ZC3H7A: variants seen among roughly 807,000 people sequenced by gnomAD.
ZC3H7A encodes zinc finger CCCH domain-containing protein 7A.
A neutral mutation model predicts 125.5 loss-of-function variants in ZC3H7A; 44 were observed. That is an observed-to-expected ratio of 0.35 (90% CI 0.28 to 0.45). The LOEUF is 0.45. ZC3H7A is among the 20% of genes least tolerant of loss of function. The probability of loss-of-function intolerance (pLI) is 1.00; values close to 1 mark genes in which losing one functional copy is unlikely to be tolerated. For missense variants in ZC3H7A, 977 were observed against 1,170.7 expected (o/e 0.83, Z 2.41); for synonymous variants, 399 against 391.2 (o/e 1.02, Z -0.23).
chr16:11,790,687 A>G (rs1219209102), intron 1 of ZC3H7A, among the ~76,000 whole-genome samples: 1 of 151,954 alleles, frequency 6.6e-6, no homozygotes, highest in Non-Finnish European at 1.5e-5. Context: ...TTACAGGCAC[A>G]CGCCAAAACG....
At chr16:11,766,467 G>A (rs1202130493) in intron 13 of ZC3H7A, among the ~76,000 whole-genome samples, 1 of 152,212 alleles carries the variant, frequency 6.6e-6, no homozygotes, top group East Asian at 1.9e-4. Flanking sequence ...CGGTAGCTGA[G>A]TCATGAGAAA....
At chr16:11,776,053 C>T (rs992326930) in intron 7 of ZC3H7A, among the ~76,000 whole-genome samples, 1 of 151,948 alleles carries the variant, frequency 6.6e-6, no homozygotes, top group Admixed American at 6.6e-5. Flanking sequence ...CCCAGCTACT[C>T]GGGAGGCTGA....
rs533670608 is a variant in ZC3H7A at position 11,769,668 on chromosome 16, G to A, written c.1109-573C>T. ...AGAGGTTGCAGTGAGCCAAGATTTC[G>A]CCACTGCTTTCCAGCCTGGGCAACA... On this transcript the variant is annotated intron_variant, in intron 10 of 22. Transcript: ENST00000355758. 6.2e-5 allele frequency among the ~76,000 whole-genome samples: 7 copies of A among 112,998 alleles called. No individual in the cohort carries two copies. In the South Asian group the frequency reaches 1.3e-3, roughly 20 times the overall value. 74.1% of individuals were successfully genotyped at this position (112,998 alleles called of 152,430 possible).
Position 11,761,500 on chromosome 16 carries a change from T to C in ZC3H7A, c.2225A>G (p.Asp742Gly), listed in dbSNP as rs756167098. The C allele has an allele frequency of 6.2e-7, 1 of 1,614,050 alleles. No homozygotes were observed. Among genetic ancestry groups the C allele is most frequent in the Non-Finnish European group, 8.5e-7 (1 of 1,179,970 alleles). ...SAKARHSWTK[D>G]RRAMRVMSIE... Reference sequence around the variant, plus strand: ...AGACATCACTCTCATCGCACGCCGGTCTTTGGTCCACCTAAGAAAAATGGA... The same window carrying C: ...AGACATCACTCTCATCGCACGCCGGCCTTTGGTCCACCTAAGAAAAATGGA... Residue 742 changes from aspartate to glycine, a missense_variant, in exon 19 of 23, where the codon GAC becomes GGC. By Grantham distance (94) the Asp-to-Gly change is moderately conservative (BLOSUM62 -1). This residue lies in a region of ZC3H7A where 436 missense variants were observed against 603.2 expected (regional missense o/e 0.72). Coordinates refer to ENST00000355758, the MANE Select transcript of ZC3H7A (RefSeq NM_014153.4).
Position 11,752,736 on chromosome 16 carries a change from G to A in ZC3H7A, c.2659C>T (p.His887Tyr). The A allele has an allele frequency of 6.2e-7, 1 of 1,614,168 alleles. No individual in the cohort carries two copies. The highest frequency in any genetic ancestry group is 1.1e-5 in the South Asian group (1 of 91,088). Residue 887 changes from histidine to tyrosine, a missense_variant, in exon 22 of 23, where the codon CAC (histidine) becomes TAC (tyrosine). By Grantham distance (83) the His-to-Tyr change is moderately conservative. Coordinates refer to ENST00000355758, the MANE Select transcript of ZC3H7A (RefSeq NM_014153.4). ...SSEKHKEKVF[H>Y]TEDDQYCWQH... The stretch of plus-strand genomic sequence containing the variant: ...CAGCAGTACTGGTCGTCCTCGGTGT[G>A]GAAAACCTTCTCTTTGTGCTTCTCG...
intron 1 of ZC3H7A, among the ~76,000 whole-genome samples, chr16:11,786,511 T>C (rs2053259270): frequency 6.6e-6 from 1 of 152,222 alleles, no homozygotes; most frequent in Non-Finnish European, 1.5e-5. Flanking sequence ...CCCCAGAAAG[T>C]GTTAGAGAAC....
At chr16:11,795,663 C>T (rs2053425451) in intron 1 of ZC3H7A, among the ~76,000 whole-genome samples, 1 of 152,066 alleles carries the variant, frequency 6.6e-6, no homozygotes, top group South Asian at 2.1e-4. Context: ...CTCGGAATTC[C>T]TGACCTCAGG....
intron 1 of ZC3H7A, among the ~76,000 whole-genome samples, chr16:11,784,310 T>C (rs1596402115): frequency 1.3e-5 from 2 of 152,184 alleles, no homozygotes; most frequent in Non-Finnish European, 2.9e-5. Flanking sequence ...ATGTCCTTAA[T>C]AGAAATGCTT....
chr16:11,781,529 G>A lies in ZC3H7A; in HGVS notation c.69-65C>T, dbSNP rs555412322. Reference sequence around the variant, plus strand: ...CTTATCGGGACCTGTTCAGCCAGAAGTCATCTTAAATCTGTGGTTCCATTA... The same window carrying A: ...CTTATCGGGACCTGTTCAGCCAGAAATCATCTTAAATCTGTGGTTCCATTA... On this transcript the variant is annotated intron_variant, in intron 2 of 22. Transcript: ENST00000355758. The A allele has an allele frequency of 3.9e-6, 6 of 1,555,636 alleles. No individual in the cohort carries two copies. In the Admixed American group the frequency reaches 1.0e-4, roughly 26 times the overall value.
At position 11,751,224 on chromosome 16, in the gene ZC3H7A, G is replaced by A; in HGVS notation, c.*93C>T. 2 of 1,338,004 alleles carry A rather than the reference G, an allele frequency of 1.5e-6. No homozygotes were observed. Among genetic ancestry groups the A allele is most frequent in the Non-Finnish European group, 2.0e-6 (2 of 993,636 alleles). The allele number at this position is 1,338,004 out of a possible 1,614,324, so 82.9% of individuals were successfully genotyped here. Reference sequence around the variant, plus strand: ...GGAACGATATACGCCAATACAAGCAGGAAATCTGCAGCTCCTCTGCTATGT... The same window carrying A: ...GGAACGATATACGCCAATACAAGCAAGAAATCTGCAGCTCCTCTGCTATGT... On this transcript the variant is annotated 3_prime_UTR_variant, in exon 23 of 23. Coordinates refer to ENST00000355758, the MANE Select transcript of ZC3H7A (RefSeq NM_014153.4).
chr16:11,760,996 A>G (rs531783056), intron 19 of ZC3H7A, among the ~76,000 whole-genome samples: 36 of 152,322 alleles, frequency 2.4e-4, no homozygotes, highest in African/African-American at 8.4e-4. Flanking sequence ...CCCTTGCTGC[A>G]GTGAAAGAGA....
chr16:11,765,037 G>C lies in ZC3H7A; in HGVS notation c.1820+16C>G. ...ATCTATTTTGTCATTACAGAAATTA[G>C]AAACTATCAACATACTTATTGTCTT... is the stretch of plus-strand genomic sequence containing the variant. On this transcript the variant is annotated intron_variant, in intron 15 of 22. Coordinates refer to ENST00000355758, the MANE Select transcript of ZC3H7A (RefSeq NM_014153.4). This position sits in a 1 kb window ranked among gnomAD's most constrained non-coding sequence, Gnocchi z 4.8. 2.7e-6 allele frequency: 4 copies of C among 1,496,382 alleles called. No individual in the cohort carries two copies. The highest frequency in any genetic ancestry group is 3.6e-6 in the Non-Finnish European group (4 of 1,102,156). 92.7% of individuals were successfully genotyped at this position (1,496,382 alleles called of 1,614,324 possible).
At chr16:11,751,903 C>CTTTTT (rs34041916) in intron 22 of ZC3H7A, among the ~76,000 whole-genome samples, 6 of 128,946 alleles carry the variant, frequency 4.7e-5, no homozygotes, top group Non-Finnish European at 6.5e-5. Flanking sequence ...ACTGAAAAAC[C>CTTTTT]TTTTTTTTTT....
At chr16:11,790,154 GAC>G (rs2053326587) in intron 1 of ZC3H7A, among the ~76,000 whole-genome samples, 2 of 148,656 alleles carry the variant, frequency 1.3e-5, no homozygotes, top group African/African-American at 4.9e-5. Context: ...GCCAGCTATT[GAC>G]ACAATACACC....
At chr16:11,777,777 T>G (rs1378447532) in intron 4 of ZC3H7A, among the ~76,000 whole-genome samples, 1 of 151,306 alleles carries the variant, frequency 6.6e-6, no homozygotes, top group Non-Finnish European at 1.5e-5. Context: ...CCCAGCACTT[T>G]GGGAGGCTGA....
intron 1 of ZC3H7A, among the ~76,000 whole-genome samples, chr16:11,795,982 C>T (rs1256248913): frequency 6.6e-6 from 1 of 152,054 alleles, no homozygotes. Flanking sequence ...CGGCGTGCGC[C>T]ACCACGCCCA....
chr16:11,754,688 T>C lies in ZC3H7A; in HGVS notation c.2562+1549A>G, dbSNP rs144489107. On this transcript the variant is annotated intron_variant, in intron 21 of 22. Coordinates refer to ENST00000355758, the MANE Select transcript of ZC3H7A (RefSeq NM_014153.4). The stretch of plus-strand genomic sequence containing the variant: ...GGGCAGATCACGCAAGGTCAGGAGT[T>C]TGAGACCAGCCTGACCAACATGGTG... Among the ~76,000 whole-genome samples, 22 of 151,328 alleles carry C rather than the reference T, an allele frequency of 1.5e-4. No individual in the cohort carries two copies. In the East Asian group the frequency reaches 4.3e-3, roughly 30 times the overall value.
rs1415238875 is a variant in ZC3H7A at position 11,774,466 on chromosome 16, T to G, written c.673A>C (p.Ser225Arg). The G allele has an allele frequency of 3.1e-6, 5 of 1,588,004 alleles. No individual in the cohort carries two copies. Among genetic ancestry groups the G allele is most frequent in the Non-Finnish European group, 3.4e-6 (4 of 1,164,320 alleles). Residue 225 changes from serine (S) to arginine (R), a missense_variant, in exon 9 of 23, where the codon AGT becomes CGT. Physicochemically the swap from Ser to Arg is moderately radical, Grantham distance 110. Transcript: ENST00000355758. ...AVPVVSLPAPSFSHEVGSELA... is the reference protein window; with the variant it reads ...AVPVVSLPAPRFSHEVGSELA... ...TCACTTCCAACTTCATGAGAAAAAC[T>G]GGGTGCCGGTAAAGAGACAACAGGA...
chr16:11,752,505 T>C (rs1015788036), intron 22 of ZC3H7A, among the ~76,000 whole-genome samples, 164 bp downstream of exon 22: 7 of 152,240 alleles, frequency 4.6e-5, no homozygotes, highest in Admixed American at 3.3e-4. Flanking sequence ...AATGGTTTGA[T>C]GAGCAGCGAA....
Sources: allele counts gnomAD v4.1 joint callset (sites outside exome capture counted in the v4.1 genomes callset), GRCh38; gene constraint gnomAD v4.1.1; regional missense constraint gnomAD v4.1.1; non-coding constraint Gnocchi (gnomAD v3.1); transcripts MANE v1.5; gene names NCBI Gene and HGNC (gene_info 2026-07-23, HGNC 2026-07-21).